The following NPAS3 variants were observed in gnomAD, a reference collection of about 807,000 sequenced individuals.
The protein encoded by NPAS3 is neuronal PAS domain-containing protein 3.
Under a neutral mutation model 73.1 loss-of-function variants are expected in NPAS3, and 14 were observed. That is an observed-to-expected ratio of 0.19 (90% CI 0.13 to 0.30). The LOEUF (loss-of-function observed/expected upper bound fraction) is 0.30. Among genes scored for constraint, NPAS3 ranks in the 10% least tolerant of loss-of-function variants. The probability of loss-of-function intolerance (pLI) is 1.00; values close to 1 mark genes in which losing one functional copy is unlikely to be tolerated. For missense variants in NPAS3, 1,096 were observed against 1,250.0 expected, an observed-to-expected ratio of 0.88 and a Z score of 1.86; for synonymous variants, 620 against 541.5, an observed-to-expected ratio of 1.14 and a Z score of -2.01.
chr14:33,459,209 C>G (rs930608199), intron 4 of NPAS3, among the ~76,000 whole-genome samples: 2 of 152,138 alleles, frequency 1.3e-5, no homozygotes, highest in Non-Finnish European at 2.9e-5. Flanking sequence ...CTTCACTGAC[C>G]TGTATCTTGT....
At chr14:33,417,936 T>C (rs959241752) in intron 4 of NPAS3, among the ~76,000 whole-genome samples, 1 of 152,052 alleles carries the variant, frequency 6.6e-6, no homozygotes, top group Non-Finnish European at 1.5e-5. Context: ...TAGTTTTCTT[T>C]TTGCAGATGA....
chr14:33,666,522 C>G (rs1411478246), intron 5 of NPAS3, among the ~76,000 whole-genome samples: 1 of 152,222 alleles, frequency 6.6e-6, no homozygotes, highest in African/African-American at 2.4e-5. Context: ...ATCTCTGGAG[C>G]CAGAATCTCT....
chr14:33,762,824 T>C (rs995254336), intron 7 of NPAS3, among the ~76,000 whole-genome samples: 3 of 151,988 alleles, frequency 2.0e-5, no homozygotes, highest in Admixed American at 1.3e-4. Context: ...GTCATATGAG[T>C]GTTTTGAATT....
chr14:33,278,420 A>G (rs1195420201), intron 3 of NPAS3, among the ~76,000 whole-genome samples: 1 of 152,006 alleles, frequency 6.6e-6, no homozygotes, highest in East Asian at 1.9e-4. Flanking sequence ...ATATTTATAG[A>G]TCAGAAAATG....
chr14:33,773,143 C>T (rs1032009687), intron 7 of NPAS3, among the ~76,000 whole-genome samples: 7 of 152,150 alleles, frequency 4.6e-5, no homozygotes, highest in Admixed American at 1.3e-4. Context: ...GGAGAGCAGA[C>T]GCGAGATCAT....
intron 6 of NPAS3, among the ~76,000 whole-genome samples, chr14:33,681,881 A>G (rs1009362072): frequency 7.9e-6 from 1 of 126,150 alleles, no homozygotes; most frequent in South Asian, 2.4e-4. Flanking sequence ...TGGAAGGGTA[A>G]GTGACAAACA....
At chr14:33,694,801 C>A (rs761660551) in intron 6 of NPAS3, among the ~76,000 whole-genome samples, 1 of 152,182 alleles carries the variant, frequency 6.6e-6, no homozygotes, top group Admixed American at 6.5e-5. Flanking sequence ...AGCAAGACCA[C>A]CTAAATGAGA....
chr14:33,113,499 A>T (rs906025539), intron 2 of NPAS3, among the ~76,000 whole-genome samples: 1 of 152,060 alleles, frequency 6.6e-6, no homozygotes, highest in East Asian at 1.9e-4. Flanking sequence ...AATGCTCGTG[A>T]TTTTTGCACA....
intron 2 of NPAS3, among the ~76,000 whole-genome samples, chr14:33,196,701 G>A (rs1036807640): frequency 6.6e-6 from 1 of 152,186 alleles, no homozygotes; most frequent in Non-Finnish European, 1.5e-5. Context: ...TGTACAAATT[G>A]TTCAAGAGCT....
chr14:33,091,702 C>G (rs545354065), intron 2 of NPAS3, among the ~76,000 whole-genome samples: 1 of 152,098 alleles, frequency 6.6e-6, no homozygotes, highest in Non-Finnish European at 1.5e-5. Flanking sequence ...CCCTGATGAA[C>G]GTCGATGCAA....
chr14:33,323,327 CTT>C (rs1216988630), intron 3 of NPAS3, among the ~76,000 whole-genome samples: 4 of 152,176 alleles, frequency 2.6e-5, no homozygotes, highest in Non-Finnish European at 4.4e-5. Flanking sequence ...AAAATAATCT[CTT>C]TCCTCTTTGT....
At chr14:32,940,032 C>G (rs1264741030) in intron 1 of NPAS3, among the ~76,000 whole-genome samples, 3 of 152,228 alleles carry the variant, frequency 2.0e-5, no homozygotes, top group African/African-American at 7.2e-5. Flanking sequence ...GCCCTCCGCT[C>G]TCATCTTCCC....
At chr14:33,180,799 CAAGAAAA>C (rs1290111322) in intron 2 of NPAS3, among the ~76,000 whole-genome samples, 1 of 69,342 alleles carries the variant, frequency 1.4e-5, no homozygotes, top group African/African-American at 5.8e-5. Flanking sequence ...ACACTGTCTC[CAAGAAAA>C]AAAAAAAAAA....
At chr14:33,472,370 T>G (rs2050825107) in intron 4 of NPAS3, among the ~76,000 whole-genome samples, 1 of 152,158 alleles carries the variant, frequency 6.6e-6, no homozygotes, top group African/African-American at 2.4e-5. Flanking sequence ...GTCTTTATTT[T>G]GAGTAATTTG....
intron 1 of NPAS3, among the ~76,000 whole-genome samples, chr14:33,044,426 A>ATT (rs932906911): frequency 6.6e-6 from 1 of 151,248 alleles, no homozygotes; most frequent in Non-Finnish European, 1.5e-5. Context: ...AAACCTGAAC[A>ATT]TTTTTTTTTC....
intron 3 of NPAS3, among the ~76,000 whole-genome samples, chr14:33,232,551 T>C (rs1256838666): frequency 6.6e-6 from 1 of 152,184 alleles, no homozygotes; most frequent in African/African-American, 2.4e-5. Flanking sequence ...TTCTTCTGCG[T>C]TGCTCTCTCT....
intron 4 of NPAS3, among the ~76,000 whole-genome samples, chr14:33,367,667 T>G (rs1316177): frequency 0.47 from 71,191 of 151,152 alleles, 17,093 homozygotes; most frequent in Admixed American, 0.57. Context: ...TTTTTTTTTT[T>G]TGTGTCGCCA....
intron 5 of NPAS3, among the ~76,000 whole-genome samples, chr14:33,614,530 C>CT (rs1323922268): frequency 6.6e-6 from 1 of 152,166 alleles, no homozygotes; most frequent in African/African-American, 2.4e-5. Flanking sequence ...CCCTGTGGGC[C>CT]TTGCAGCCAC....
chr14:33,262,974 G>GT (rs1286093304), intron 3 of NPAS3, among the ~76,000 whole-genome samples: 2 of 151,918 alleles, frequency 1.3e-5, no homozygotes, highest in African/African-American at 4.8e-5. Flanking sequence ...GGGGTTGTTT[G>GT]TTTTTTTCTT....
Sources: allele counts gnomAD v4.1 joint callset (sites outside exome capture counted in the v4.1 genomes callset), GRCh38; gene constraint gnomAD v4.1.1; transcripts MANE v1.5; gene names NCBI Gene and HGNC (gene_info 2026-07-23, HGNC 2026-07-21).